ZNF41: variants seen among roughly 807,000 people sequenced by gnomAD.
The protein encoded by ZNF41 is zinc finger protein 41.
Under a neutral mutation model 9.3 loss-of-function variants are expected in ZNF41, and 6 were observed. The observed-to-expected ratio is 0.65, with a 90% confidence interval of 0.35 to 1.28. The LOEUF is 1.28. Among genes scored for constraint, ZNF41 ranks in the 50% most tolerant of loss-of-function variants. ZNF41 has a pLI of 0.03. For missense variants in ZNF41, 523 were observed against 585.8 expected (o/e 0.89, Z 1.11); for synonymous variants, 192 against 207.1 (o/e 0.93, Z 0.63).
At position 47,456,318 on chromosome X, in the gene ZNF41, C is replaced by G; in HGVS notation, c.153G>C (p.Leu51=). The change falls in exon 3 of 5, where the codon CTG becomes CTC. Residue 51 remains leucine (L), a synonymous_variant. Transcript: ENST00000684689. ...AGTTCTCTAGTGTCACATCCCAGTA[C>G]AGGCGTCTCTGGGCAGGGTCCAAGT... The part of the protein sequence containing the change: ...WQHLDPAQRR[L]YWDVTLENYS... 8.3e-7 allele frequency: 1 copy of G among 1,211,184 alleles called. No individual in the cohort carries two copies. The highest frequency in any genetic ancestry group is 1.1e-6 in the Non-Finnish European group (1 of 895,369).
At chrX:47,451,937 A>T (rs974642501) in intron 4 of ZNF41, among the ~76,000 whole-genome samples, 1 of 112,376 alleles carries the variant, frequency 8.9e-6, no homozygotes, top group Non-Finnish European at 1.9e-5. Flanking sequence ...ATACCTATGT[A>T]CCCATAAAAA....
chrX:47,456,263 C>T lies in ZNF41; in HGVS notation c.199+9G>A, dbSNP rs779272103. The T allele has an allele frequency of 9.1e-6, 11 of 1,211,009 alleles. No individual in the cohort carries two copies. Among genetic ancestry groups the T allele is most frequent in the South Asian group, 1.8e-5 (1 of 56,916 alleles). ...CTCATTAGCAGATGCATAGGGCGGC[C>T]GTGCTTACCCACTGAGAGCAGGTGG... On this transcript the variant is annotated intron_variant, in intron 3 of 4. Transcript: ENST00000684689.
chrX:47,458,871 C>T (rs1462347738), intron 2 of ZNF41, among the ~76,000 whole-genome samples: 2 of 108,182 alleles, frequency 1.8e-5, no homozygotes, highest in Non-Finnish European at 3.8e-5. Flanking sequence ...ATCCACCTGC[C>T]TCAGCCTCCT....
chrX:47,471,630 C>T (rs2057197564), intron 1 of ZNF41, among the ~76,000 whole-genome samples: 1 of 110,697 alleles, frequency 9.0e-6, no homozygotes, highest in Non-Finnish European at 1.9e-5. Flanking sequence ...ATAAAGGATA[C>T]CTAAATTGGA....
chrX:47,448,594 G>A lies in ZNF41; in HGVS notation c.1176C>T (p.Phe392=), dbSNP rs757383537. Residue 392 remains phenylalanine, a synonymous_variant, in exon 5 of 5, where the codon TTC becomes TTT. Transcript: ENST00000684689. ...PYECSECGKG[F]SQNSDLSIHQ... ...GTATACTGAGGTCTGAGTTCTGGGA[G>A]AAGCCTTTTCCACATTCACTGCATT... 1 of 1,211,810 alleles carries A rather than the reference G, an allele frequency of 8.3e-7. No homozygotes were observed. The highest frequency in any genetic ancestry group is 1.8e-5 in the South Asian group (1 of 56,982).
At chrX:47,459,943 C>CA (rs199735412) in intron 2 of ZNF41, among the ~76,000 whole-genome samples, 25,899 of 96,017 alleles carry the variant, frequency 0.27, 2,848 homozygotes, top group South Asian at 0.41. Context: ...GACTCCATCT[C>CA]AAAAAAAAAA....
Position 47,456,370 on chromosome X carries a change from A to G in ZNF41, c.101T>C (p.Val34Ala). ...EASVSFEDVT[V>A]DFSKEEWQHL... ...CTGCCACTCCTCCTTGCTGAAGTCC[A>G]CAGTCACGTCCTCAAATGACACTGA... Residue 34 changes from valine (V) to alanine (A), a missense_variant, in exon 3 of 5, where the codon GTG (valine) becomes GCG (alanine). By Grantham distance (64) the Val-to-Ala change is moderately conservative. Transcript: ENST00000684689. 1 of 1,211,620 alleles carries G rather than the reference A, an allele frequency of 8.3e-7. No homozygotes were observed. The highest frequency in any genetic ancestry group is 1.1e-6 in the Non-Finnish European group (1 of 895,470).
Position 47,447,262 on chromosome X carries a change from T to C in ZNF41, c.*168A>G. ...CACTGTGGTGATGCAGGAACTTGTC[T>C]TTCCAGTGGACTGAAGGATACTTGG... On this transcript the variant is annotated 3_prime_UTR_variant, in exon 5 of 5. Coordinates refer to ENST00000684689, the MANE Select transcript of ZNF41 (RefSeq NM_001324144.2). The C allele has an allele frequency of 1.7e-6, 1 of 599,392 alleles. No individual in the cohort carries two copies. Among genetic ancestry groups the C allele is most frequent in the Non-Finnish European group, 2.7e-6 (1 of 371,665 alleles). 49.4% of individuals were successfully genotyped at this position (599,392 alleles called of 1,213,427 possible).
At chrX:47,457,255 CAAAAG>C (rs1182734861) in intron 2 of ZNF41, among the ~76,000 whole-genome samples, 1 of 109,869 alleles carries the variant, frequency 9.1e-6, no homozygotes, top group Non-Finnish European at 1.9e-5. Context: ...ACTAAAAATA[CAAAAG>C]TTAGCTGGGC....
At chrX:47,465,306 A>G (rs1425229448) in intron 2 of ZNF41, among the ~76,000 whole-genome samples, 1 of 112,371 alleles carries the variant, frequency 8.9e-6, no homozygotes, top group Admixed American at 9.5e-5. Flanking sequence ...GACATTGGTC[A>G]AAGTATACAA....
At chrX:47,458,205 G>A (rs1480521602) in intron 2 of ZNF41, among the ~76,000 whole-genome samples, 1 of 111,731 alleles carries the variant, frequency 9.0e-6, no homozygotes, top group Non-Finnish European at 1.9e-5. Flanking sequence ...ATCTCTTACA[G>A]ACCATCTCTA....
At chrX:47,466,664 T>C in intron 2 of ZNF41, among the ~76,000 whole-genome samples, 1 of 111,339 alleles carries the variant, frequency 9.0e-6, no homozygotes, top group South Asian at 3.8e-4. Context: ...ATTACAGGCA[T>C]GTGCCACCAC....
intron 1 of ZNF41, among the ~76,000 whole-genome samples, chrX:47,478,094 G>A (rs978609252): frequency 8.9e-6 from 1 of 112,125 alleles, no homozygotes; most frequent in Middle Eastern, 4.2e-3. Flanking sequence ...CTGAGAGGAG[G>A]GGGTAATAAG....
At chrX:47,454,609 T>G (rs1385801901) in intron 4 of ZNF41, among the ~76,000 whole-genome samples, 2 of 111,863 alleles carry the variant, frequency 1.8e-5, no homozygotes, top group Non-Finnish European at 3.8e-5. Flanking sequence ...ATTGCAGAAT[T>G]GTTTGTATTA....
At position 47,447,747 on chromosome X, in the gene ZNF41, G is replaced by A. The variant is rs750138992; in HGVS notation, c.2023C>T (p.Arg675Ter). 5 of 1,210,911 alleles carry A rather than the reference G, an allele frequency of 4.1e-6. No homozygotes were observed. The highest frequency in any genetic ancestry group is 3.5e-5 in the African/African-American group (2 of 57,565). ...CAECGKAFTD[R>*]SNLITHQKIH... is the part of the protein sequence containing the mutation. The stretch of plus-strand genomic sequence containing the variant: ...TTCTGATGTGTTATGAGATTTGATC[G>A]GTCAGTGAAGGCCTTTCCACATTCA... Residue 675 changes from arginine to a stop codon, truncating the protein, a stop_gained, in exon 5 of 5, where the codon CGA becomes TGA. Coordinates refer to ENST00000684689, the MANE Select transcript of ZNF41 (RefSeq NM_001324144.2). LOFTEE classifies it low-confidence loss of function (END_TRUNC).
chrX:47,469,183 C>T (rs1000328433), intron 1 of ZNF41, among the ~76,000 whole-genome samples: 35 of 101,710 alleles, frequency 3.4e-4, no homozygotes, highest in East Asian at 2.5e-3. Flanking sequence ...TAGTGGCGGG[C>T]GCCTGTAGTC....
At chrX:47,462,428 G>C (rs1487504172) in intron 2 of ZNF41, among the ~76,000 whole-genome samples, 1 of 110,273 alleles carries the variant, frequency 9.1e-6, no homozygotes, top group Non-Finnish European at 1.9e-5. Flanking sequence ...TGTTCCTTCC[G>C]AGTACCCCCG....
At chrX:47,459,206 T>G (rs2147624384) in intron 2 of ZNF41, among the ~76,000 whole-genome samples, 1 of 106,625 alleles carries the variant, frequency 9.4e-6, no homozygotes, top group African/African-American at 3.4e-5. Flanking sequence ...AGAAATTACA[T>G]GGGCATGGTG....
chrX:47,467,357 G>C, intron 2 of ZNF41, 53 bp downstream of exon 2: 1 of 1,168,977 alleles, frequency 8.6e-7, no homozygotes, highest in South Asian at 1.9e-5. Context: ...GGACAGGTCA[G>C]GGTATCTCTT....
Sources: gnomAD v4.1 joint callset for allele counts (sites outside exome capture counted in the v4.1 genomes callset) on GRCh38, gnomAD v4.1.1 for gene constraint, MANE v1.5 for transcripts, NCBI Gene and HGNC (gene_info 2026-07-23, HGNC 2026-07-21) for gene names.